KIT: variants seen among roughly 807,000 people sequenced by gnomAD.
KIT encodes mast/stem cell growth factor receptor Kit.
KIT carries 16 observed loss-of-function variants against 105.7 expected under a neutral mutation model. The ratio of observed to expected loss-of-function variants is 0.15; its 90% CI spans 0.10 to 0.23. KIT has a LOEUF of 0.23. KIT is among the 10% of genes least tolerant of loss of function. The pLI is 1.00. For synonymous variants in KIT, 438 were observed against 441.1 expected (o/e 0.99, Z 0.09); for missense variants, 858 against 1,213.8 (o/e 0.71, Z 4.36).
At chr4:54,680,977 G>T (rs1266817443) in intron 1 of KIT, among the ~76,000 whole-genome samples, 1 of 152,042 alleles carries the variant, frequency 6.6e-6, no homozygotes, top group Non-Finnish European at 1.5e-5. Context: ...ACTGCACCAG[G>T]GCTCCCTTTT....
At chr4:54,728,206 A>T (rs115786802) in intron 13 of KIT, 85 bp downstream of exon 13, 9 of 992,430 alleles carry the variant, frequency 9.1e-6, no homozygotes, top group Non-Finnish European at 1.4e-5. Flanking sequence ...ATGCTAGATT[A>T]TAAACTGCTT....
rs184271050 is a variant in KIT, at chr4:54,691,971, C to T, written c.68-3541C>T. 4.6e-5 allele frequency among the ~76,000 whole-genome samples: 7 copies of T among 152,158 alleles called. No individual in the cohort carries two copies. In the East Asian group the frequency reaches 5.8e-4, roughly 13 times the overall value. ...CCCATACATAGGAAGTGGGTGAGTC[C>T]GGACTGATTTGGAAGGCCAATAAGA... is the stretch of plus-strand genomic sequence containing the variant. On this transcript the variant is annotated intron_variant, in intron 1 of 20. Coordinates refer to ENST00000288135, the MANE Select transcript of KIT (RefSeq NM_000222.3).
chr4:54,695,026 T>A lies in KIT; in HGVS notation c.68-486T>A, dbSNP rs139409692. Among the ~76,000 whole-genome samples the A allele has an allele frequency of 2.0e-3, 304 of 152,326 alleles. 2 individuals are homozygous for A. The highest frequency in any genetic ancestry group is 6.9e-3 in the African/African-American group (286 of 41,572). ...GATGAACATTGCCATGTAAAGAGAGTTATACAGAAATAACTGAATTCACAC... is the reference window on the plus strand; with the variant it reads ...GATGAACATTGCCATGTAAAGAGAGATATACAGAAATAACTGAATTCACAC... On this transcript the variant is annotated intron_variant, in intron 1 of 20. Coordinates refer to ENST00000288135, the MANE Select transcript of KIT (RefSeq NM_000222.3).
At chr4:54,732,041 T>C in intron 16 of KIT, 43 bp downstream of exon 16, 2 of 1,561,906 alleles carry the variant, frequency 1.3e-6, no homozygotes, top group Non-Finnish European at 8.6e-7. Context: ...GTTTTGTTTT[T>C]TTGATTTTTT....
intron 16 of KIT, among the ~76,000 whole-genome samples, chr4:54,732,415 T>C (rs573229812): frequency 6.6e-6 from 1 of 152,192 alleles, no homozygotes; most frequent in East Asian, 1.9e-4. Flanking sequence ...CCAAATATTA[T>C]ATGTGTGGCT....
intron 1 of KIT, among the ~76,000 whole-genome samples, chr4:54,688,631 G>C (rs1396935957): frequency 6.6e-6 from 1 of 152,170 alleles, no homozygotes; most frequent in Non-Finnish European, 1.5e-5. Context: ...GAAGTTGCCG[G>C]GGAGAACCCC....
chr4:54,719,994 G>C lies in KIT; in HGVS notation c.1232-3590G>C, dbSNP rs377395717. ...CGAGGTGAGGCAAGAAAGGCACCTA[G>C]AGTGTGAAATATAAGGAGGTGCTCT... On this transcript the variant is annotated intron_variant, in intron 7 of 20. Coordinates refer to ENST00000288135, the MANE Select transcript of KIT (RefSeq NM_000222.3). Among the ~76,000 whole-genome samples, 14 of 152,260 alleles carry C rather than the reference G, an allele frequency of 9.2e-5. No homozygotes were observed. The East Asian group carries it at 1.9e-3, about 21-fold the overall frequency.
At chr4:54,697,517 T>G (rs28729669) in intron 2 of KIT, among the ~76,000 whole-genome samples, 77,687 of 151,974 alleles carry the variant, frequency 0.51, 20,200 homozygotes, top group African/African-American at 0.6. Flanking sequence ...CCGAGTCTGT[T>G]CCTGGTGTCC....
chr4:54,709,614 G>A lies in KIT; in HGVS notation c.1231+75G>A, dbSNP rs753664621. 4.6e-6 allele frequency: 4 copies of A among 868,656 alleles called. No individual in the cohort carries two copies. In the East Asian group the frequency reaches 1.0e-4, roughly 22 times the overall value. The allele number at this position is 868,656 out of a possible 1,614,324, so 53.8% of individuals were successfully genotyped here. A position where few individuals can be genotyped will look rare whatever the true frequency, so the allele number is the denominator to read the frequency against. On this transcript the variant is annotated intron_variant, in intron 7 of 20. Coordinates refer to ENST00000288135, the MANE Select transcript of KIT (RefSeq NM_000222.3). Reference sequence around the variant, plus strand: ...GGCTCGTGTTTGTAACAGCTGCAAGGACTCAACTTGTGTACTATGTAAATA... The same window carrying A: ...GGCTCGTGTTTGTAACAGCTGCAAGAACTCAACTTGTGTACTATGTAAATA...
In KIT at chr4:54,739,153, C is replaced by T; in HGVS notation, c.*596C>T. 1 of 335,478 alleles carries T rather than the reference C, an allele frequency of 3.0e-6. No individual in the cohort carries two copies. The highest frequency in any genetic ancestry group is 5.4e-6 in the Non-Finnish European group (1 of 185,722). 20.8% of individuals were successfully genotyped at this position (335,478 alleles called of 1,614,324 possible). ...GACCACTGCATGAGCTTTTATACTA[C>T]CGACCTGGTTTTTAAATAGAGTTTG... On this transcript the variant is annotated 3_prime_UTR_variant, in exon 21 of 21. Coordinates refer to ENST00000288135, the MANE Select transcript of KIT (RefSeq NM_000222.3).
chr4:54,678,290 CTCCTTCCTTCCTTCCTTCCTTCCTTCCT>C (rs55800200), intron 1 of KIT, among the ~76,000 whole-genome samples: 18 of 101,640 alleles, frequency 1.8e-4, no homozygotes, highest in Middle Eastern at 5.1e-3. Flanking sequence ...GGCTGGCTCG[CTCCTTCCTTCCTTCCTTCCTTCCTTCCT>C]TCCTTCCTTC....
At chr4:54,672,133 A>G (rs1389629147) in intron 1 of KIT, among the ~76,000 whole-genome samples, 2 of 152,220 alleles carry the variant, frequency 1.3e-5, no homozygotes, top group Non-Finnish European at 2.9e-5. Context: ...TAATTGGTTG[A>G]TATGTCCTTT....
At chr4:54,716,202 T>C (rs982580441) in intron 7 of KIT, among the ~76,000 whole-genome samples, 1 of 152,198 alleles carries the variant, frequency 6.6e-6, no homozygotes, top group African/African-American at 2.4e-5. Context: ...TAGTAAATAA[T>C]TGTAAATTTT....
intron 1 of KIT, among the ~76,000 whole-genome samples, chr4:54,675,118 T>G (rs965159406): frequency 2.6e-5 from 4 of 152,312 alleles, no homozygotes; most frequent in Admixed American, 1.3e-4. Context: ...CTAAATTTCC[T>G]TCCTCCAACC....
At chr4:54,723,382 G>C (rs1380464230) in intron 7 of KIT, among the ~76,000 whole-genome samples, 2 of 152,156 alleles carry the variant, frequency 1.3e-5, no homozygotes, top group Middle Eastern at 3.2e-3. Flanking sequence ...GGCCACTGTG[G>C]CTGGGAAAGC....
chr4:54,697,834 A>G (rs1315152973), intron 2 of KIT, among the ~76,000 whole-genome samples: 1 of 152,210 alleles, frequency 6.6e-6, no homozygotes, highest in Non-Finnish European at 1.5e-5. Flanking sequence ...ACTAGGAATC[A>G]TCACACTGGC....
intron 1 of KIT, among the ~76,000 whole-genome samples, chr4:54,664,581 T>C (rs1717542251): frequency 7.5e-6 from 1 of 133,984 alleles, no homozygotes; most frequent in African/African-American, 2.9e-5. Flanking sequence ...AGTCTGTTTT[T>C]ATTATTTATT....
At position 54,737,250 on chromosome 4, in the gene KIT, T is replaced by G. The variant is rs1722972540; in HGVS notation, c.2772T>G (p.Ile924Met). 6.2e-7 allele frequency: 1 copy of G among 1,613,410 alleles called. No homozygotes were observed. Among genetic ancestry groups the G allele is most frequent in the Admixed American group, 1.7e-5 (1 of 59,992 alleles). The change falls in exon 20 of 21, where the codon ATT (isoleucine) becomes ATG (methionine). Residue 924 changes from isoleucine to methionine, a missense_variant. Coordinates refer to ENST00000288135, the MANE Select transcript of KIT (RefSeq NM_000222.3). ...RPTFKQIVQL[I>M]EKQISESTNH... Reference sequence around the variant, plus strand: ...CATTCAAGCAAATTGTTCAGCTAATTGAGAAGCAGATTTCAGAGAGCACCA... The same window carrying G: ...CATTCAAGCAAATTGTTCAGCTAATGGAGAAGCAGATTTCAGAGAGCACCA...
intron 3 of KIT, 22 bp from the exon 4 acceptor site, chr4:54,699,608 G>T (rs1420437645): frequency 1.2e-6 from 2 of 1,613,358 alleles, no homozygotes; most frequent in Non-Finnish European, 1.7e-6. Context: ...TATTTGAGGG[G>T]CCACATTTCT....
Sources: gnomAD v4.1 joint callset for allele counts (sites outside exome capture counted in the v4.1 genomes callset) on GRCh38, gnomAD v4.1.1 for gene constraint, MANE v1.5 for transcripts, NCBI Gene and HGNC (gene_info 2026-07-23, HGNC 2026-07-21) for gene names.